KCNAB1: variants seen among roughly 807,000 people sequenced by gnomAD.
KCNAB1 encodes voltage-gated potassium channel subunit beta-1.
KCNAB1 carries 35 observed loss-of-function variants against 64.6 expected under a neutral mutation model. The ratio of observed to expected loss-of-function variants is 0.54; its 90% CI spans 0.41 to 0.72. The LOEUF (loss-of-function observed/expected upper bound fraction) is 0.72. KCNAB1 is among the 30% of genes least tolerant of loss of function. The pLI, the probability that KCNAB1 is intolerant of heterozygous loss-of-function variation, is 0.00. For synonymous variants in KCNAB1, 177 were observed against 183.8 expected, an observed-to-expected ratio of 0.96 and a Z score of 0.30; for missense variants, 401 against 512.9, an observed-to-expected ratio of 0.78 and a Z score of 2.11.
At chr3:156,414,162 G>A (rs1714890513) in intron 1 of KCNAB1, among the ~76,000 whole-genome samples, 1 of 152,144 alleles carries the variant, frequency 6.6e-6, no homozygotes, top group African/African-American at 2.4e-5. Context: ...AAAGATATAA[G>A]GCATAGAAGT....
At chr3:156,520,918 T>C in intron 11 of KCNAB1, among the ~76,000 whole-genome samples, 1 of 152,322 alleles carries the variant, frequency 6.6e-6, no homozygotes, top group East Asian at 1.9e-4. Context: ...AGTTTCAGCC[T>C]GAGTTCAATC....
At chr3:156,191,494 A>T (rs541142381) in intron 1 of KCNAB1, among the ~76,000 whole-genome samples, 11 of 152,328 alleles carry the variant, frequency 7.2e-5, no homozygotes, top group African/African-American at 2.2e-4. Flanking sequence ...TATTCCTATC[A>T]GTAAAGCCTA....
chr3:156,407,321 C>G (rs1385302126), intron 1 of KCNAB1, among the ~76,000 whole-genome samples: 5 of 152,206 alleles, frequency 3.3e-5, no homozygotes, highest in Non-Finnish European at 7.3e-5. Flanking sequence ...CCTCCAGGTC[C>G]CCGCTCAAAT....
intron 1 of KCNAB1, among the ~76,000 whole-genome samples, chr3:156,368,634 A>G (rs768696694): frequency 1.1e-4 from 16 of 152,194 alleles, no homozygotes; most frequent in Non-Finnish European, 2.4e-4. Flanking sequence ...AATGGCATCA[A>G]TGTGCCTGGG....
chr3:156,187,006 C>G (rs1214722926), intron 1 of KCNAB1, among the ~76,000 whole-genome samples: 1 of 152,096 alleles, frequency 6.6e-6, no homozygotes, highest in Non-Finnish European at 1.5e-5. Flanking sequence ...TGTGCACCAC[C>G]ACACCTGGCT....
At chr3:156,277,832 A>G (rs754365421) in intron 1 of KCNAB1, among the ~76,000 whole-genome samples, 7 of 152,126 alleles carry the variant, frequency 4.6e-5, no homozygotes, top group Non-Finnish European at 1.0e-4. Context: ...TCATTTTTCC[A>G]TAGTTGGGCG....
chr3:156,190,635 A>G (rs1036415940), intron 1 of KCNAB1, among the ~76,000 whole-genome samples: 14 of 152,284 alleles, frequency 9.2e-5, no homozygotes, highest in African/African-American at 3.4e-4. Context: ...TGCTGGCTTC[A>G]TAAGACCCTT....
chr3:156,209,552 T>G (rs1200060686), intron 1 of KCNAB1, among the ~76,000 whole-genome samples: 1 of 152,186 alleles, frequency 6.6e-6, no homozygotes, highest in Non-Finnish European at 1.5e-5. Flanking sequence ...GCTTTGATAG[T>G]TTAGACAAAA....
intron 2 of KCNAB1, among the ~76,000 whole-genome samples, chr3:156,444,999 G>A (rs570274510): frequency 5.5e-4 from 83 of 152,270 alleles, no homozygotes; most frequent in Non-Finnish European, 9.0e-4. Context: ...GCAAGTCAGG[G>A]TGTAAAGAAA....
At chr3:156,444,973 T>A (rs1422510392) in intron 2 of KCNAB1, among the ~76,000 whole-genome samples, 1 of 152,040 alleles carries the variant, frequency 6.6e-6, no homozygotes, top group East Asian at 1.9e-4. Flanking sequence ...AGCAATTGAG[T>A]AAAAGAAGAA....
intron 1 of KCNAB1, among the ~76,000 whole-genome samples, chr3:156,142,494 A>G (rs1436228181): frequency 6.6e-6 from 1 of 152,180 alleles, no homozygotes; most frequent in East Asian, 1.9e-4. Context: ...TGCCTCGCTT[A>G]TGGATATCCA....
chr3:156,122,860 A>G lies in KCNAB1; in HGVS notation c.275+1974A>G, dbSNP rs1179791109. 3.9e-5 allele frequency among the ~76,000 whole-genome samples: 6 copies of G among 152,352 alleles called. No individual in the cohort carries two copies. The East Asian group carries it at 1.2e-3, about 29-fold the overall frequency. On this transcript the variant is annotated intron_variant, in intron 1 of 13. Coordinates refer to ENST00000490337, the MANE Select transcript of KCNAB1 (RefSeq NM_172160.3). ...GTTCAATGTTTGCAATAGCTCAGGA[A>G]ACTAAGGCAGTTTTTCTCATCGCCA...
At chr3:156,231,698 A>G (rs868504592) in intron 1 of KCNAB1, among the ~76,000 whole-genome samples, 1 of 151,968 alleles carries the variant, frequency 6.6e-6, no homozygotes. Flanking sequence ...TGGTCTTCAC[A>G]ATCCTTTGCC....
intron 1 of KCNAB1, among the ~76,000 whole-genome samples, chr3:156,159,802 G>T (rs1715967942): frequency 6.6e-6 from 1 of 151,996 alleles, no homozygotes; most frequent in South Asian, 2.1e-4. Context: ...AAAGGCTTTT[G>T]ATCCACCAGT....
chr3:156,365,308 G>A (rs905272498), intron 1 of KCNAB1, among the ~76,000 whole-genome samples: 1 of 152,126 alleles, frequency 6.6e-6, no homozygotes, highest in Non-Finnish European at 1.5e-5. Flanking sequence ...ATTTAATGAC[G>A]GAACATGTGT....
intron 8 of KCNAB1, among the ~76,000 whole-genome samples, chr3:156,490,771 G>A (rs1163791602): frequency 6.6e-6 from 1 of 152,074 alleles, no homozygotes; most frequent in Non-Finnish European, 1.5e-5. Flanking sequence ...AAATGGAGGA[G>A]GGGGAGTTAT....
At chr3:156,459,719 G>T in intron 4 of KCNAB1, 108 bp from the exon 5 acceptor site, 1 of 735,774 alleles carries the variant, frequency 1.4e-6, no homozygotes, top group Non-Finnish European at 2.3e-6. Flanking sequence ...CTATTTTCGG[G>T]ATATGTAGGC....
At chr3:156,466,662 TA>T (rs1050334750) in intron 7 of KCNAB1, among the ~76,000 whole-genome samples, 3 of 151,986 alleles carry the variant, frequency 2.0e-5, no homozygotes, top group African/African-American at 7.2e-5. Flanking sequence ...TACATATGCA[TA>T]AAAAATGTGT....
At chr3:156,206,350 A>G (rs1714661163) in intron 1 of KCNAB1, among the ~76,000 whole-genome samples, 1 of 152,118 alleles carries the variant, frequency 6.6e-6, no homozygotes, top group Non-Finnish European at 1.5e-5. Context: ...CATGAACCCA[A>G]AACCATACTG....
Sources: allele counts gnomAD v4.1 joint callset (sites outside exome capture counted in the v4.1 genomes callset), GRCh38; gene constraint gnomAD v4.1.1; transcripts MANE v1.5; gene names NCBI Gene and HGNC (gene_info 2026-07-23, HGNC 2026-07-21).